PIP5K1B: variants seen among roughly 807,000 people sequenced by gnomAD.
The protein encoded by PIP5K1B is phosphatidylinositol 4-phosphate 5-kinase type-1 beta.
In PIP5K1B, 42 loss-of-function variants were observed where a neutral mutation model predicts 67.0. The observed-to-expected ratio is 0.63, with a 90% CI of 0.49 to 0.81. The LOEUF is 0.81. PIP5K1B is among the 30% of genes least tolerant of loss of function. The pLI is 0.00. For synonymous variants in PIP5K1B, 214 were observed against 231.4 expected, an observed-to-expected ratio of 0.92 and a Z score of 0.68; for missense variants, 459 against 646.3, an observed-to-expected ratio of 0.71 and a Z score of 3.14.
At chr9:68,873,793 G>A (rs1177316970) in intron 5 of PIP5K1B, among the ~76,000 whole-genome samples, 1 of 152,058 alleles carries the variant, frequency 6.6e-6, no homozygotes, top group Non-Finnish European at 1.5e-5. Flanking sequence ...TGGGCCTCGT[G>A]AAACTCAGCT....
At chr9:68,821,145 A>G (rs987637988) in intron 3 of PIP5K1B, among the ~76,000 whole-genome samples, 1 of 152,096 alleles carries the variant, frequency 6.6e-6, no homozygotes, top group Non-Finnish European at 1.5e-5. Context: ...AGTCCCAGCT[A>G]CTTGGGAGGC....
chr9:68,789,935 A>T (rs537978867), intron 2 of PIP5K1B, among the ~76,000 whole-genome samples: 2 of 152,272 alleles, frequency 1.3e-5, no homozygotes, highest in Admixed American at 1.3e-4. Context: ...CCAATCCCAC[A>T]AATTTTGGAT....
chr9:68,854,474 C>T (rs971436831), intron 4 of PIP5K1B, among the ~76,000 whole-genome samples: 2 of 152,048 alleles, frequency 1.3e-5, no homozygotes, highest in Non-Finnish European at 2.9e-5. Flanking sequence ...ATAGACCTGC[C>T]GTATATTTCA....
intron 4 of PIP5K1B, among the ~76,000 whole-genome samples, chr9:68,855,596 G>T (rs1167904422): frequency 6.6e-6 from 1 of 152,148 alleles, no homozygotes; most frequent in African/African-American, 2.4e-5. Context: ...GGCATTGCTG[G>T]TACTTTTCTG....
At chr9:68,957,373 G>A (rs909375266) in intron 14 of PIP5K1B, among the ~76,000 whole-genome samples, 1 of 152,184 alleles carries the variant, frequency 6.6e-6, no homozygotes, top group African/African-American at 2.4e-5. Flanking sequence ...TGCAAAGGAG[G>A]CTGGGAAGAG....
rs373111556 is a variant in PIP5K1B at position 68,986,794 on chromosome 9, C to T, written c.1503-4346C>T. ...GTCTTAACCATGCCAGTGGCTTACTCATAGCTTCCAAAAATAAAAGGTAAC... is the reference window on the plus strand; with the variant it reads ...GTCTTAACCATGCCAGTGGCTTACTTATAGCTTCCAAAAATAAAAGGTAAC... On this transcript the variant is annotated intron_variant, in intron 14 of 15. Coordinates refer to ENST00000265382, the MANE Select transcript of PIP5K1B (RefSeq NM_003558.4). 9.8e-5 allele frequency among the ~76,000 whole-genome samples: 15 copies of T among 152,294 alleles called. No homozygotes were observed. The South Asian group carries it at 2.9e-3, about 29-fold the overall frequency.
At chr9:68,984,917 A>G (rs1728781303) in intron 14 of PIP5K1B, among the ~76,000 whole-genome samples, 1 of 152,242 alleles carries the variant, frequency 6.6e-6, no homozygotes, top group African/African-American at 2.4e-5. Flanking sequence ...TTAATTGGAA[A>G]AGAGTTCAGA....
At chr9:68,959,124 C>G (rs572533916) in intron 14 of PIP5K1B, among the ~76,000 whole-genome samples, 1 of 152,176 alleles carries the variant, frequency 6.6e-6, no homozygotes, top group African/African-American at 2.4e-5. Context: ...ACTTTTTCTG[C>G]TTTGTGAATT....
intron 4 of PIP5K1B, among the ~76,000 whole-genome samples, chr9:68,851,015 AGG>A (rs1346565012): frequency 6.6e-6 from 1 of 152,202 alleles, no homozygotes; most frequent in Non-Finnish European, 1.5e-5. Flanking sequence ...GTCTCTTTTT[AGG>A]GCAATTAAGT....
chr9:68,991,132 T>A lies in PIP5K1B; in HGVS notation c.1503-8T>A, dbSNP rs112176667. 5.6e-4 allele frequency: 848 copies of A among 1,523,026 alleles called. 4 individuals are homozygous for A. In the African/African-American group the frequency reaches 0.01, roughly 19 times the overall value. The allele number at this position is 1,523,026 out of a possible 1,614,324, so 94.3% of individuals were successfully genotyped here. On this transcript the variant is annotated splice_region_variant and splice_polypyrimidine_tract_variant and intron_variant, in intron 14 of 15. Transcript: ENST00000265382. ...CCTCATGCCCATCATTCATCTTTAT[T>A]TTTCCAGCAAAGGGTTACCTTCCAG...
intron 2 of PIP5K1B, among the ~76,000 whole-genome samples, chr9:68,807,591 T>C (rs558189956): frequency 6.6e-6 from 1 of 152,162 alleles, no homozygotes; most frequent in Non-Finnish European, 1.5e-5. Flanking sequence ...GGTTTCTCAA[T>C]AGAAAATGAC....
chr9:68,919,796 G>T, intron 11 of PIP5K1B, 67 bp downstream of exon 11: 1 of 872,620 alleles, frequency 1.1e-6, no homozygotes, highest in Non-Finnish European at 1.9e-6. Flanking sequence ...CAGAGTATGT[G>T]CAGGAAACTG....
intron 2 of PIP5K1B, among the ~76,000 whole-genome samples, chr9:68,801,675 A>G (rs1011981333): frequency 1.3e-5 from 2 of 152,238 alleles, no homozygotes; most frequent in Non-Finnish European, 2.9e-5. Flanking sequence ...TCAAAGAGAT[A>G]AGGGAAAGTC....
chr9:68,899,221 C>G (rs1388906304), intron 8 of PIP5K1B, among the ~76,000 whole-genome samples: 2 of 152,156 alleles, frequency 1.3e-5, no homozygotes, highest in Non-Finnish European at 2.9e-5. Context: ...CTCACCTGCT[C>G]GTCTCAGGAC....
At chr9:68,731,899 A>C (rs1465258508) in intron 1 of PIP5K1B, among the ~76,000 whole-genome samples, 1 of 152,210 alleles carries the variant, frequency 6.6e-6, no homozygotes, top group East Asian at 1.9e-4. Flanking sequence ...TGTTCACTTC[A>C]CTGTATTTCA....
chr9:68,910,223 G>A (rs998539567), intron 8 of PIP5K1B, among the ~76,000 whole-genome samples: 2 of 152,210 alleles, frequency 1.3e-5, no homozygotes, highest in African/African-American at 2.4e-5. Context: ...CCATTTAGCT[G>A]TATGCCTACT....
At chr9:68,918,926 A>G (rs1365679473) in intron 9 of PIP5K1B, among the ~76,000 whole-genome samples, 1 of 152,176 alleles carries the variant, frequency 6.6e-6, no homozygotes, top group African/African-American at 2.4e-5. Flanking sequence ...TCAGGTTATA[A>G]AACATGATAA....
At chr9:68,847,273 G>A (rs1453207027) in intron 4 of PIP5K1B, among the ~76,000 whole-genome samples, 3 of 151,200 alleles carry the variant, frequency 2.0e-5, no homozygotes, top group Non-Finnish European at 4.4e-5. Context: ...TCTTGGGATA[G>A]GCGGTAAAAG....
intron 2 of PIP5K1B, among the ~76,000 whole-genome samples, chr9:68,768,904 G>A (rs1830556755): frequency 6.6e-6 from 1 of 152,096 alleles, no homozygotes; most frequent in African/African-American, 2.4e-5. Context: ...AGAAACCCCT[G>A]GTGCTAATAA....
Sources: allele counts gnomAD v4.1 joint callset (sites outside exome capture counted in the v4.1 genomes callset), GRCh38; gene constraint gnomAD v4.1.1; transcripts MANE v1.5; gene names NCBI Gene and HGNC (gene_info 2026-07-23, HGNC 2026-07-21).